ALK: variants seen among roughly 807,000 people sequenced by gnomAD.
ALK encodes ALK tyrosine kinase receptor.
In ALK, 74 loss-of-function variants were observed where a neutral mutation model predicts 163.1. That is an observed-to-expected ratio of 0.45 (90% CI 0.38 to 0.55). ALK has a LOEUF of 0.55. Among genes scored for constraint, ALK ranks in the 20% least tolerant of loss-of-function variants. The pLI is 0.00. For missense variants in ALK, 2,063 were observed against 2,105.3 expected (o/e 0.98, Z 0.39); for synonymous variants, 960 against 843.2 (o/e 1.14, Z -2.40).
chr2:29,745,023 A>C (rs867443411), intron 1 of ALK, among the ~76,000 whole-genome samples: 1 of 152,262 alleles, frequency 6.6e-6, no homozygotes, highest in Middle Eastern at 3.4e-3. Context: ...TATGCCAAAG[A>C]TGTCTTTTTC....
intron 3 of ALK, among the ~76,000 whole-genome samples, chr2:29,592,816 A>C (rs911090235): frequency 6.6e-6 from 1 of 152,162 alleles, no homozygotes; most frequent in Non-Finnish European, 1.5e-5. Flanking sequence ...GAAGACATAC[A>C]TATGAGGAAG....
intron 3 of ALK, among the ~76,000 whole-genome samples, chr2:29,668,980 C>G (rs1385138073): frequency 1.3e-5 from 2 of 152,024 alleles, no homozygotes; most frequent in East Asian, 3.9e-4. Flanking sequence ...GATTCAATTA[C>G]CTCCCACTGG....
intron 4 of ALK, among the ~76,000 whole-genome samples, chr2:29,439,750 A>G (rs1670490150): frequency 6.6e-6 from 1 of 151,632 alleles, no homozygotes; most frequent in African/African-American, 2.4e-5. Context: ...GGCCAGAAGC[A>G]GAAGTGGGAG....
chr2:29,282,552 C>A (rs941115684), intron 9 of ALK, among the ~76,000 whole-genome samples: 1 of 152,162 alleles, frequency 6.6e-6, no homozygotes, highest in Non-Finnish European at 1.5e-5. Context: ...GAGTTGGGAA[C>A]ATACCCCTCC....
intron 1 of ALK, among the ~76,000 whole-genome samples, chr2:29,891,616 TG>T (rs1381796594): frequency 6.6e-6 from 1 of 152,202 alleles, no homozygotes; most frequent in Non-Finnish European, 1.5e-5. Context: ...TTTATAGTTC[TG>T]GGGAGAACCA....
intron 5 of ALK, among the ~76,000 whole-genome samples, chr2:29,336,933 G>A (rs35506497): frequency 0.18 from 27,498 of 151,982 alleles, 2,893 homozygotes; most frequent in Middle Eastern, 0.28. Flanking sequence ...TAAAGTGAGG[G>A]GAGACGACAC....
chr2:29,408,320 C>G (rs1052812276), intron 4 of ALK, among the ~76,000 whole-genome samples: 2 of 151,842 alleles, frequency 1.3e-5, no homozygotes, highest in Non-Finnish European at 2.9e-5. Context: ...GATCTCCTGA[C>G]CTCATGATCC....
intron 1 of ALK, among the ~76,000 whole-genome samples, chr2:29,846,910 C>T (rs1665857967): frequency 6.6e-6 from 1 of 152,120 alleles, no homozygotes; most frequent in Non-Finnish European, 1.5e-5. Flanking sequence ...GTTATTTGGC[C>T]CGCACCTATA....
intron 1 of ALK, among the ~76,000 whole-genome samples, chr2:29,904,101 C>G (rs548618696): frequency 6.6e-6 from 1 of 152,262 alleles, no homozygotes; most frequent in East Asian, 1.9e-4. Context: ...TCCACTGCTT[C>G]AACTCACATT....
intron 6 of ALK, among the ~76,000 whole-genome samples, chr2:29,326,897 G>C (rs1368447140): frequency 6.6e-6 from 1 of 152,172 alleles, no homozygotes; most frequent in Non-Finnish European, 1.5e-5. Context: ...TGGGAGGTGA[G>C]GCATTTGCTC....
intron 8 of ALK, among the ~76,000 whole-genome samples, chr2:29,299,616 A>G (rs1200931994): frequency 6.6e-6 from 1 of 152,242 alleles, no homozygotes; most frequent in Non-Finnish European, 1.5e-5. Flanking sequence ...AAAATATTAA[A>G]AAGGCATTTT....
chr2:29,298,315 G>T (rs764974733), intron 8 of ALK, among the ~76,000 whole-genome samples: 2 of 152,128 alleles, frequency 1.3e-5, no homozygotes, highest in Non-Finnish European at 2.9e-5. Flanking sequence ...TAGGATAAAT[G>T]AATGAATCTG....
intron 4 of ALK, among the ~76,000 whole-genome samples, chr2:29,507,469 C>T (rs1055895101): frequency 6.6e-6 from 1 of 152,052 alleles, no homozygotes; most frequent in African/African-American, 2.4e-5. Flanking sequence ...AGTTGCAAAG[C>T]AATGTGAATG....
At chr2:29,574,151 C>T (rs538350152) in intron 3 of ALK, among the ~76,000 whole-genome samples, 1 of 152,286 alleles carries the variant, frequency 6.6e-6, no homozygotes, top group Non-Finnish European at 1.5e-5. Context: ...TGGTGAGGGA[C>T]TGTGGTGCAG....
chr2:29,312,700 T>C (rs1289554977), intron 8 of ALK, among the ~76,000 whole-genome samples: 1 of 152,184 alleles, frequency 6.6e-6, no homozygotes, highest in Non-Finnish European at 1.5e-5. Flanking sequence ...AGAGGGATCA[T>C]ATGCTAGCTT....
intron 3 of ALK, among the ~76,000 whole-genome samples, chr2:29,605,471 C>A (rs1373044596): frequency 6.6e-6 from 1 of 152,164 alleles, no homozygotes; most frequent in Non-Finnish European, 1.5e-5. Flanking sequence ...GAAATTCTAA[C>A]CCCCAGTGTG....
intron 5 of ALK, among the ~76,000 whole-genome samples, chr2:29,333,435 GCTT>G (rs1573245242): frequency 6.6e-6 from 1 of 152,184 alleles, no homozygotes; most frequent in East Asian, 1.9e-4. Context: ...CACATTACTA[GCTT>G]TTTTTTCTTT....
chr2:29,757,027 G>A (rs915902011), intron 1 of ALK, among the ~76,000 whole-genome samples: 2 of 152,188 alleles, frequency 1.3e-5, no homozygotes, highest in African/African-American at 4.8e-5. Context: ...TAGAGAGAGA[G>A]CAGGAAAGGC....
chr2:29,781,309 G>C (rs1419481762), intron 1 of ALK, among the ~76,000 whole-genome samples: 3 of 152,074 alleles, frequency 2.0e-5, no homozygotes, highest in Non-Finnish European at 2.9e-5. Context: ...CTGTACCCCA[G>C]CCTTTAAGCT....
Sources: allele counts gnomAD v4.1 joint callset (sites outside exome capture counted in the v4.1 genomes callset), GRCh38; gene constraint gnomAD v4.1.1; transcripts MANE v1.5; gene names NCBI Gene and HGNC (gene_info 2026-07-23, HGNC 2026-07-21).